The following BMPR1A variants were observed in gnomAD, a reference collection of about 807,000 sequenced individuals.
BMPR1A encodes the protein bone morphogenetic protein receptor type 1A.
Under a neutral mutation model 66.0 loss-of-function variants are expected in BMPR1A, and 7 were observed. That is an observed-to-expected ratio of 0.11 (90% CI 0.06 to 0.20). The LOEUF (loss-of-function observed/expected upper bound fraction) is 0.20. Among genes scored for constraint, BMPR1A ranks in the 10% least tolerant of loss-of-function variants. BMPR1A has a pLI of 1.00. For missense variants in BMPR1A, 408 were observed against 669.1 expected (o/e 0.61, Z 4.31); for synonymous variants, 200 against 229.7 (o/e 0.87, Z 1.17).
intron 3 of BMPR1A, 179 bp from the exon 4 acceptor site, chr10:86,889,883 T>A: frequency 1.4e-6 from 1 of 695,962 alleles, no homozygotes; most frequent in South Asian, 1.9e-5. Flanking sequence ...GGTGCAGTAA[T>A]TCTGTGCATA....
chr10:86,868,774 CTG>C (rs1245266309), intron 2 of BMPR1A, among the ~76,000 whole-genome samples: 2 of 120,246 alleles, frequency 1.7e-5, no homozygotes, highest in Non-Finnish European at 3.4e-5. Flanking sequence ...CAGCCTTTTC[CTG>C]TGTTTTTTTT....
At chr10:86,757,583 T>G (rs569611963) in intron 1 of BMPR1A, among the ~76,000 whole-genome samples, 1 of 152,184 alleles carries the variant, frequency 6.6e-6, no homozygotes, top group African/African-American at 2.4e-5. Context: ...AAAAATAATA[T>G]GCTGTGTGTT....
chr10:86,760,888 G>T (rs944975107), intron 1 of BMPR1A, among the ~76,000 whole-genome samples: 1 of 152,200 alleles, frequency 6.6e-6, no homozygotes, highest in Non-Finnish European at 1.5e-5. Context: ...ATGTTGACTT[G>T]CATTGAGTTA....
At chr10:86,794,874 A>C (rs1841683071) in intron 1 of BMPR1A, among the ~76,000 whole-genome samples, 1 of 150,600 alleles carries the variant, frequency 6.6e-6, no homozygotes, top group African/African-American at 2.4e-5. Flanking sequence ...TTTTAGATAG[A>C]GAGTTTCGCT....
intron 1 of BMPR1A, among the ~76,000 whole-genome samples, chr10:86,808,722 A>G (rs763156079): frequency 1.4e-4 from 21 of 152,228 alleles, no homozygotes; most frequent in Non-Finnish European, 2.5e-4. Flanking sequence ...TACAGTTTTG[A>G]TATTATCACT....
chr10:86,910,281 T>C (rs993292466), intron 7 of BMPR1A, among the ~76,000 whole-genome samples: 8 of 152,060 alleles, frequency 5.3e-5, no homozygotes, highest in African/African-American at 1.9e-4. Flanking sequence ...AAGCTTGCAG[T>C]GAGCTGAGAT....
chr10:86,776,153 T>C (rs1412866400), intron 1 of BMPR1A, among the ~76,000 whole-genome samples: 1 of 152,238 alleles, frequency 6.6e-6, no homozygotes, highest in Non-Finnish European at 1.5e-5. Context: ...ACAATTATTT[T>C]GAAATATAGC....
At chr10:86,838,597 T>G (rs1286419198) in intron 1 of BMPR1A, among the ~76,000 whole-genome samples, 2 of 150,770 alleles carry the variant, frequency 1.3e-5, no homozygotes, top group East Asian at 1.9e-4. Context: ...GAGATGAGTT[T>G]TTTTTTTTTC....
rs539180906 is a variant in BMPR1A, at chr10:86,902,496, A to T, written c.530+2370A>T. Among the ~76,000 whole-genome samples the T allele has an allele frequency of 4.6e-5, 7 of 152,196 alleles. No homozygotes were observed. In the South Asian group the frequency reaches 6.2e-4, roughly 14 times the overall value. On this transcript the variant is annotated intron_variant, in intron 7 of 12. Transcript: ENST00000372037. The stretch of plus-strand genomic sequence containing the variant: ...CCTATCAGCCAGGTGTGTGCTCTCT[A>T]AGCAATGGGTAGGATGTTTCTTAAG...
At chr10:86,805,857 C>T (rs184442332) in intron 1 of BMPR1A, among the ~76,000 whole-genome samples, 4 of 150,432 alleles carry the variant, frequency 2.7e-5, no homozygotes, top group Non-Finnish European at 4.4e-5. Flanking sequence ...CTTTGATCTG[C>T]AGTCTGTATT....
intron 5 of BMPR1A, among the ~76,000 whole-genome samples, chr10:86,894,872 G>A (rs949292210): frequency 2.6e-5 from 4 of 152,148 alleles, no homozygotes; most frequent in African/African-American, 4.8e-5. Context: ...CAAGGGTAAC[G>A]GGCACGTTGA....
chr10:86,875,721 A>G (rs918046199), intron 2 of BMPR1A, 146 bp from the exon 3 acceptor site: 51 of 446,852 alleles, frequency 1.1e-4, no homozygotes, highest in Non-Finnish European at 1.1e-4. Flanking sequence ...TAGTGCCTAA[A>G]AAAAAAAAAG....
At chr10:86,853,967 G>A (rs1842607208) in intron 2 of BMPR1A, among the ~76,000 whole-genome samples, 1 of 152,118 alleles carries the variant, frequency 6.6e-6, no homozygotes, top group Non-Finnish European at 1.5e-5. Flanking sequence ...TTATTAGGCG[G>A]GAATTTCCTT....
chr10:86,879,215 GCA>G (rs2133338876), intron 3 of BMPR1A, among the ~76,000 whole-genome samples: 1 of 152,278 alleles, frequency 6.6e-6, no homozygotes, highest in South Asian at 2.1e-4. Flanking sequence ...GACATCACAT[GCA>G]GATGAGGTAA....
At chr10:86,843,209 C>T (rs1452393558) in intron 2 of BMPR1A, among the ~76,000 whole-genome samples, 3 of 152,116 alleles carry the variant, frequency 2.0e-5, no homozygotes, top group South Asian at 2.1e-4. Flanking sequence ...GATTTGAAAT[C>T]GTCCTTCCTT....
At chr10:86,796,720 C>G (rs1043109795) in intron 1 of BMPR1A, among the ~76,000 whole-genome samples, 1 of 151,564 alleles carries the variant, frequency 6.6e-6, no homozygotes, top group Non-Finnish European at 1.5e-5. Flanking sequence ...GGGACCAGCT[C>G]ACGCTACCAC....
At chr10:86,914,298 A>G (rs932595267) in intron 8 of BMPR1A, among the ~76,000 whole-genome samples, 1 of 152,204 alleles carries the variant, frequency 6.6e-6, no homozygotes, top group Non-Finnish European at 1.5e-5. Context: ...AAGTTGAAGT[A>G]TAAAACCTCT....
intron 1 of BMPR1A, among the ~76,000 whole-genome samples, chr10:86,827,496 A>C (rs1296365804): frequency 6.6e-6 from 1 of 152,174 alleles, no homozygotes; most frequent in Non-Finnish European, 1.5e-5. Context: ...TACTGCTTTA[A>C]ATATTCTTTT....
chr10:86,824,419 C>G (rs1282182154), intron 1 of BMPR1A, among the ~76,000 whole-genome samples: 1 of 152,078 alleles, frequency 6.6e-6, no homozygotes, highest in African/African-American at 2.4e-5. Context: ...CAGTGCTGTA[C>G]GGTAATTAAC....
Sources: allele counts gnomAD v4.1 joint callset (sites outside exome capture counted in the v4.1 genomes callset), GRCh38; gene constraint gnomAD v4.1.1; transcripts MANE v1.5; gene names NCBI Gene and HGNC (gene_info 2026-07-23, HGNC 2026-07-21).